Variants in DOP1B observed in about 807,000 individuals in gnomAD.
DOP1B encodes the protein protein DOP1B.
Under a neutral mutation model 233.5 loss-of-function variants are expected in DOP1B, and 174 were observed. That is an observed-to-expected ratio of 0.75 (90% CI 0.66 to 0.85). The LOEUF (loss-of-function observed/expected upper bound fraction) is 0.85, where lower values mean the gene tolerates loss of function less well. Ranked by LOEUF, DOP1B falls within the 40% of genes least tolerant of loss-of-function variation. The pLI is 0.00. For missense variants in DOP1B, 2,652 were observed against 2,846.6 expected (o/e 0.93, Z 1.56); for synonymous variants, 1,190 against 1,185.6 (o/e 1.00, Z -0.08).
Position 36,293,794 on chromosome 21 carries a change from C to A in DOP1B, c.*223C>A, listed in dbSNP as rs1033613439. 3 of 480,526 alleles carry A rather than the reference C, an allele frequency of 6.2e-6. No individual in the cohort carries two copies. Among genetic ancestry groups the A allele is most frequent in the African/African-American group, 2.0e-5 (1 of 51,258 alleles). 29.8% of individuals were successfully genotyped at this position (480,526 alleles called of 1,614,324 possible). ...GGTCAGGAGTTCGAGACCAGCCTGA[C>A]CAACATGGTGAGACCCTGTCTCTAC... On this transcript the variant is annotated 3_prime_UTR_variant, in exon 37 of 37. Coordinates refer to ENST00000691173, the MANE Select transcript of DOP1B (RefSeq NM_001320714.2).
intron 35 of DOP1B, among the ~76,000 whole-genome samples, chr21:36,290,141 A>G (rs10222177): frequency 0.66 from 100,470 of 152,128 alleles, 34,785 homozygotes; most frequent in African/African-American, 0.89. Context: ...GCTTGTATGT[A>G]TGTAGGATGG....
intron 2 of DOP1B, among the ~76,000 whole-genome samples, chr21:36,190,650 G>C (rs139433318): frequency 0.019 from 2,832 of 152,226 alleles, 37 homozygotes; most frequent in Middle Eastern, 0.061. Context: ...TACCTGCCTC[G>C]GCCTCCTAAA....
intron 9 of DOP1B, 141 bp from the exon 10 acceptor site, chr21:36,219,231 A>T: frequency 8.8e-7 from 1 of 1,139,916 alleles, no homozygotes; most frequent in Non-Finnish European, 1.2e-6. Context: ...CAGTAAAGTT[A>T]AGTTTCTGTA....
chr21:36,283,403 C>A (rs1003842237), intron 32 of DOP1B, among the ~76,000 whole-genome samples: 1 of 144,160 alleles, frequency 6.9e-6, no homozygotes, highest in African/African-American at 2.6e-5. Context: ...TGTTTTAGTT[C>A]AAAGCATTAA....
intron 2 of DOP1B, among the ~76,000 whole-genome samples, chr21:36,179,362 A>G (rs1315101109): frequency 6.6e-6 from 1 of 152,170 alleles, no homozygotes; most frequent in Non-Finnish European, 1.5e-5. Flanking sequence ...AACACTTGGT[A>G]TGGTCAGTCT....
chr21:36,251,445 GTC>G (rs1240554817), intron 22 of DOP1B, among the ~76,000 whole-genome samples, 161 bp downstream of exon 22: 2 of 152,204 alleles, frequency 1.3e-5, no homozygotes, highest in African/African-American at 2.4e-5. Flanking sequence ...TTGAGATGGA[GTC>G]TCTCTCTTTT....
chr21:36,238,706 G>C lies in DOP1B; in HGVS notation c.2876+5G>C. 6.2e-7 allele frequency: 1 copy of C among 1,614,124 alleles called. No homozygotes were observed. The highest frequency in any genetic ancestry group is 8.5e-7 in the Non-Finnish European group (1 of 1,179,938). ...TCACAATCGCTCCTTTGATAGGTGA[G>C]GCGGCCTTCGTTATGATCTACCGTT... On this transcript the variant is annotated splice_donor_5th_base_variant and intron_variant, in intron 17 of 36. Transcript: ENST00000691173.
intron 16 of DOP1B, among the ~76,000 whole-genome samples, chr21:36,238,262 TGTGTCTCCTC>T (rs1179218846): frequency 1.3e-5 from 2 of 152,232 alleles, no homozygotes; most frequent in Non-Finnish European, 2.9e-5. Context: ...TCCAGTCTGT[TGTGTCTCCTC>T]GTTCTTTAAG....
At chr21:36,290,060 A>G (rs1266079891) in intron 35 of DOP1B, among the ~76,000 whole-genome samples, 1 of 152,188 alleles carries the variant, frequency 6.6e-6, no homozygotes, top group Non-Finnish European at 1.5e-5. Context: ...GGAGGATAAC[A>G]GTGAGTCAGT....
At chr21:36,173,592 T>G (rs573567898) in intron 2 of DOP1B, among the ~76,000 whole-genome samples, 2 of 151,960 alleles carry the variant, frequency 1.3e-5, no homozygotes, top group Admixed American at 1.3e-4. Flanking sequence ...CGGCTAATTT[T>G]TTTTGTATTT....
At position 36,239,861 on chromosome 21, in the gene DOP1B, C is replaced by T. The variant is rs144482336; in HGVS notation, c.2973C>T (p.Asp991=). The T allele has an allele frequency of 3.7e-5, 59 of 1,596,292 alleles. 1 individual carries two copies. Among genetic ancestry groups the T allele is most frequent in the East Asian group, 2.0e-4 (9 of 43,964 alleles). The change falls in exon 18 of 37, where the codon GAC becomes GAT. Residue 991 remains aspartate (D), a synonymous_variant. Transcript: ENST00000691173. ...GWLVRALSLG[D]VARILEPVLL... ...TGGTGCGTGCGCTCTCCCTCGGGGA[C>T]GTGGCTCGCATCCTCGAACCCGTGC...
intron 35 of DOP1B, among the ~76,000 whole-genome samples, chr21:36,291,226 A>G (rs1021257438): frequency 7.9e-5 from 12 of 151,054 alleles, no homozygotes; most frequent in Non-Finnish European, 1.2e-4. Flanking sequence ...GCACCACTGC[A>G]CTCCAGCCTG....
Position 36,288,791 on chromosome 21 carries a change from A to C in DOP1B, c.6333A>C (p.Lys2111Asn). Reference protein sequence around the residue: ...QTFTQLEEDLKDEDESLRSTN... With the variant: ...QTFTQLEEDLNDEDESLRSTN... ...TCACACAGCTTGAAGAAGATCTAAA[A>C]GATGAAGATGAGTCATTGAGGTAAG... The change falls in exon 34 of 37, where the codon AAA becomes AAC. Residue 2111 changes from lysine to asparagine, a missense_variant. This residue lies in a region of DOP1B where 2,617 missense variants were observed against 2,794.3 expected (regional missense o/e 0.94). Transcript: ENST00000691173. 6 of 1,613,682 alleles carry C rather than the reference A, an allele frequency of 3.7e-6. No individual in the cohort carries two copies. The highest frequency in any genetic ancestry group is 5.1e-6 in the Non-Finnish European group (6 of 1,179,684).
At chr21:36,286,417 G>A (rs965800856) in intron 32 of DOP1B, among the ~76,000 whole-genome samples, 5 of 151,100 alleles carry the variant, frequency 3.3e-5, no homozygotes, top group African/African-American at 7.3e-5. Flanking sequence ...GGCAGATCAC[G>A]TGAGGTCAGG....
At chr21:36,166,650 C>G (rs1189992424) in intron 2 of DOP1B, among the ~76,000 whole-genome samples, 2 of 152,154 alleles carry the variant, frequency 1.3e-5, no homozygotes, top group African/African-American at 2.4e-5. Flanking sequence ...GTACCTGGCT[C>G]TGTTGCTGTT....
chr21:36,231,130 G>A lies in DOP1B; in HGVS notation c.2346G>A (p.Leu782=). The A allele has an allele frequency of 6.3e-7, 1 of 1,576,076 alleles. No homozygotes were observed. The highest frequency in any genetic ancestry group is 8.6e-7 in the Non-Finnish European group (1 of 1,157,634). Residue 782 remains leucine (L), a synonymous_variant, in exon 14 of 37, where the codon CTG becomes CTA. Coordinates refer to ENST00000691173, the MANE Select transcript of DOP1B (RefSeq NM_001320714.2). ...AGCTCTGTGCAACGCTCTTCCAGCT[G>A]CCAGGTGAGAGGCAGCCCTGCCGAA... is the stretch of plus-strand genomic sequence containing the variant. The part of the protein sequence containing the change: ...TEQLCATLFQ[L]PGAGDSSFPS...
intron 15 of DOP1B, among the ~76,000 whole-genome samples, chr21:36,234,914 A>C (rs1160878385): frequency 6.6e-6 from 1 of 152,236 alleles, no homozygotes; most frequent in African/African-American, 2.4e-5. Flanking sequence ...ACATTTATAC[A>C]TTGTATGATG....
intron 2 of DOP1B, among the ~76,000 whole-genome samples, chr21:36,193,947 TTCTTTATACATGGTAAC>T (rs1344558361): frequency 2.0e-5 from 3 of 152,350 alleles, no homozygotes; most frequent in South Asian, 2.1e-4. Context: ...GTATGCTAAA[TTCTTTATACATGGTAAC>T]TCTTTATGCT....
At chr21:36,286,286 C>T (rs1368463216) in intron 32 of DOP1B, among the ~76,000 whole-genome samples, 1 of 152,040 alleles carries the variant, frequency 6.6e-6, no homozygotes, top group Non-Finnish European at 1.5e-5. Flanking sequence ...AATAACACTG[C>T]ATATGTACTG....
Sources: gnomAD v4.1 joint callset for allele counts (sites outside exome capture counted in the v4.1 genomes callset) on GRCh38, gnomAD v4.1.1 for gene constraint, gnomAD v4.1.1 regional missense constraint, MANE v1.5 for transcripts, NCBI Gene and HGNC (gene_info 2026-07-23, HGNC 2026-07-21) for gene names.